The following INTS9 variants were observed in gnomAD, a reference collection of about 807,000 sequenced individuals.
INTS9 encodes the protein integrator complex subunit 9, also known as protein related to CPSF subunits of 74 kDa.
INTS9 carries 55 observed loss-of-function variants against 79.7 expected under a neutral mutation model. The observed-to-expected ratio is 0.69, with a 90% confidence interval of 0.56 to 0.86. INTS9 has a LOEUF of 0.86. Ranked by LOEUF, INTS9 falls within the 40% of genes least tolerant of loss-of-function variation. INTS9 has a pLI of 0.00. For missense variants in INTS9, 721 were observed against 831.5 expected (o/e 0.87, Z 1.64); for synonymous variants, 319 against 325.2 (o/e 0.98, Z 0.20).
At chr8:28,773,687 A>G (rs980406948) in intron 14 of INTS9, among the ~76,000 whole-genome samples, 19 of 82,944 alleles carry the variant, frequency 2.3e-4, no homozygotes, top group Admixed American at 6.3e-4. Context: ...GCCTGTGGCT[A>G]ATTTTTGTTT....
At chr8:28,828,834 A>G (rs1806303850) in intron 6 of INTS9, among the ~76,000 whole-genome samples, 1 of 151,906 alleles carries the variant, frequency 6.6e-6, no homozygotes, top group African/African-American at 2.4e-5. Flanking sequence ...CGTAGCTGGG[A>G]TTATAGGTAT....
chr8:28,834,838 CTAAT>C (rs1482910634), intron 6 of INTS9, among the ~76,000 whole-genome samples: 1 of 152,130 alleles, frequency 6.6e-6, no homozygotes, highest in Non-Finnish European at 1.5e-5. Flanking sequence ...TACCACCCAG[CTAAT>C]TTTTTTGCAT....
intron 6 of INTS9, among the ~76,000 whole-genome samples, chr8:28,824,857 T>C (rs1294452773): frequency 1.3e-5 from 2 of 152,192 alleles, no homozygotes; most frequent in African/African-American, 4.8e-5. Context: ...ATCTATAAAA[T>C]GGAGAGAATA....
Position 28,851,434 on chromosome 8 carries a change from TTTG to T in INTS9, c.138-1164_138-1162del, listed in dbSNP as rs1001437804. On this transcript the variant is annotated intron_variant, in intron 2 of 16. Coordinates refer to ENST00000521022, the MANE Select transcript of INTS9 (RefSeq NM_018250.4). ...GGGGTAAGTTTGTTTTTGTTTTTGT[TTTG>T]TTGTTGTTGTTGTTTTTTGAGACAG... 1.3e-4 allele frequency among the ~76,000 whole-genome samples: 20 copies of T among 151,450 alleles called. 1 individual carries two copies. The highest frequency in any genetic ancestry group is 4.6e-4 in the African/African-American group (19 of 41,124).
At chr8:28,825,405 A>G (rs746097790) in intron 6 of INTS9, among the ~76,000 whole-genome samples, 2 of 152,156 alleles carry the variant, frequency 1.3e-5, no homozygotes, top group Non-Finnish European at 2.9e-5. Flanking sequence ...CATTTCTTTT[A>G]AAGGCTGACT....
intron 1 of INTS9, among the ~76,000 whole-genome samples, chr8:28,887,125 C>G (rs1442904677): frequency 2.6e-5 from 4 of 152,084 alleles, no homozygotes; most frequent in African/African-American, 9.7e-5. Flanking sequence ...CTTAATTCAA[C>G]GAGGCCCTGA....
At chr8:28,772,212 A>ACCTCCATT (rs1802589063) in intron 14 of INTS9, among the ~76,000 whole-genome samples, 1 of 152,138 alleles carries the variant, frequency 6.6e-6, no homozygotes, top group Non-Finnish European at 1.5e-5. Flanking sequence ...TGAGACAGTT[A>ACCTCCATT]CCTCCATTAA....
At chr8:28,848,854 T>C (rs1051215758) in intron 3 of INTS9, among the ~76,000 whole-genome samples, 2 of 152,182 alleles carry the variant, frequency 1.3e-5, no homozygotes, top group Non-Finnish European at 2.9e-5. Context: ...CACATACACA[T>C]GCAAGTCATT....
chr8:28,882,548 G>GAAAAAAAA (rs376509452), intron 1 of INTS9, among the ~76,000 whole-genome samples: 1 of 74,848 alleles, frequency 1.3e-5, no homozygotes, highest in Non-Finnish European at 2.9e-5. Flanking sequence ...AAAAAAAAAA[G>GAAAAAAAA]AAAAAAAAAA....
chr8:28,888,927 CAG>C (rs1026506244), intron 1 of INTS9, among the ~76,000 whole-genome samples: 7 of 150,844 alleles, frequency 4.6e-5, no homozygotes, highest in African/African-American at 2.4e-5. Flanking sequence ...TTTTTTGAGA[CAG>C]AGTCTCGCGC....
rs561777817 is a variant in INTS9, at chr8:28,867,526, G to A, written c.10-7963C>T. ...TGGGAGGCACAGGTTGCAGTGAGCTGAGATTAAAAAAAAAAAAAAAAAGGC... is the reference window on the plus strand; with the variant it reads ...TGGGAGGCACAGGTTGCAGTGAGCTAAGATTAAAAAAAAAAAAAAAAAGGC... On this transcript the variant is annotated intron_variant, in intron 1 of 16. Transcript: ENST00000521022. Among the ~76,000 whole-genome samples the A allele has an allele frequency of 4.1e-3, 589 of 141,986 alleles. 5 individuals are homozygous for A. The highest frequency in any genetic ancestry group is 0.014 in the African/African-American group (537 of 37,882). 93.1% of individuals were successfully genotyped at this position (141,986 alleles called of 152,430 possible).
intron 1 of INTS9, among the ~76,000 whole-genome samples, chr8:28,880,564 A>G (rs1227221600): frequency 6.6e-6 from 1 of 151,418 alleles, no homozygotes; most frequent in African/African-American, 2.4e-5. Flanking sequence ...CTCAGTGCTC[A>G]ATGGTGCCCA....
intron 4 of INTS9, among the ~76,000 whole-genome samples, chr8:28,841,934 C>T (rs888438141): frequency 1.3e-5 from 2 of 151,962 alleles, no homozygotes; most frequent in African/African-American, 4.8e-5. Flanking sequence ...AAAAATGTTT[C>T]AACAATTAGC....
intron 1 of INTS9, among the ~76,000 whole-genome samples, chr8:28,865,536 ACATAAT>A (rs1563307390): frequency 5.3e-5 from 8 of 152,140 alleles, no homozygotes; most frequent in Admixed American, 4.6e-4. Context: ...AAAGATTATC[ACATAAT>A]CATAAACAGT....
chr8:28,873,693 A>G (rs1049572842), intron 1 of INTS9, among the ~76,000 whole-genome samples: 1 of 152,228 alleles, frequency 6.6e-6, no homozygotes, highest in South Asian at 2.1e-4. Context: ...AGCTTATGCT[A>G]GTTGAACTGA....
At chr8:28,881,871 G>T (rs1433760636) in intron 1 of INTS9, among the ~76,000 whole-genome samples, 1 of 145,948 alleles carries the variant, frequency 6.9e-6, no homozygotes, top group African/African-American at 2.6e-5. Flanking sequence ...CCCCATCCGG[G>T]AGGTGAGGGG....
At chr8:28,880,964 G>A (rs955780249) in intron 1 of INTS9, among the ~76,000 whole-genome samples, 2 of 150,934 alleles carry the variant, frequency 1.3e-5, no homozygotes, top group Non-Finnish European at 3.0e-5. Flanking sequence ...TCTGGGAGGT[G>A]AGGAGCGTCT....
chr8:28,783,207 G>T, intron 11 of INTS9, among the ~76,000 whole-genome samples: 1 of 149,446 alleles, frequency 6.7e-6, no homozygotes, highest in East Asian at 2.0e-4. Flanking sequence ...TTTCTTTCAA[G>T]TGTACGTGTT....
chr8:28,777,951 G>T lies in INTS9; in HGVS notation c.1273C>A (p.Pro425Thr). The T allele has an allele frequency of 1.2e-6, 2 of 1,606,674 alleles. No individual in the cohort carries two copies. Among genetic ancestry groups the T allele is most frequent in the Non-Finnish European group, 1.7e-6 (2 of 1,177,226 alleles). ...SSLNTVIFTE[P>T]DFSYLEALAP... ...AGGGCTTCCAGGTAGGAGAAGTCTGGTTCTAGGGAAAGTACAAGAAAGAAA... is the reference window on the plus strand; with the variant it reads ...AGGGCTTCCAGGTAGGAGAAGTCTGTTTCTAGGGAAAGTACAAGAAAGAAA... Residue 425 changes from proline to threonine, a missense_variant and splice_region_variant, in exon 13 of 17, where the codon CCA (proline) becomes ACA (threonine). By Grantham distance (38) the Pro-to-Thr change is conservative. Transcript: ENST00000521022.
Sources: allele counts gnomAD v4.1 joint callset (sites outside exome capture counted in the v4.1 genomes callset), GRCh38; gene constraint gnomAD v4.1.1; transcripts MANE v1.5; gene names NCBI Gene and HGNC (gene_info 2026-07-23, HGNC 2026-07-21).